The following FARP1 variants were observed in gnomAD, a reference collection of about 807,000 sequenced individuals.
FARP1 encodes the protein FERM, ARHGEF and pleckstrin domain-containing protein 1.
A neutral mutation model predicts 128.8 loss-of-function variants in FARP1; 52 were observed. That is an observed-to-expected ratio of 0.40 (90% CI 0.32 to 0.51). The LOEUF is 0.51. Ranked by LOEUF, FARP1 falls within the 20% of genes least tolerant of loss-of-function variation. The pLI is 0.45. For synonymous variants in FARP1, 580 were observed against 551.8 expected (o/e 1.05, Z -0.72); for missense variants, 1,333 against 1,367.9 (o/e 0.97, Z 0.40).
chr13:98,261,898 G>A (rs1440020418), intron 2 of FARP1, among the ~76,000 whole-genome samples: 4 of 152,084 alleles, frequency 2.6e-5, no homozygotes, highest in Admixed American at 6.5e-5. Flanking sequence ...ACTAGGCTCC[G>A]TCTCCAACTC....
Position 98,154,187 on chromosome 13 carries a change from G to A in FARP1, c.-24+10695G>A, listed in dbSNP as rs193265586. ...TTATCCATTTACTTATTGAAGAACAGTTGACTTGTGTCCAGTTTGGAGCAA... is the reference window on the plus strand; with the variant it reads ...TTATCCATTTACTTATTGAAGAACAATTGACTTGTGTCCAGTTTGGAGCAA... On this transcript the variant is annotated intron_variant, in intron 1 of 26. Coordinates refer to ENST00000319562, the MANE Select transcript of FARP1 (RefSeq NM_005766.4). 2.6e-5 allele frequency among the ~76,000 whole-genome samples: 4 copies of A among 152,260 alleles called. No homozygotes were observed. In the East Asian group the frequency reaches 7.7e-4, roughly 29 times the overall value.
chr13:98,333,436 TAC>T (rs60264788), intron 2 of FARP1, among the ~76,000 whole-genome samples: 6,178 of 139,646 alleles, frequency 0.044, 226 homozygotes, highest in African/African-American at 0.11. Context: ...CCCCCACATG[TAC>T]ACACACACAC....
intron 2 of FARP1, among the ~76,000 whole-genome samples, chr13:98,281,513 G>C (rs1237819944): frequency 6.6e-6 from 1 of 152,118 alleles, no homozygotes; most frequent in African/African-American, 2.4e-5. Flanking sequence ...TTGCCCTCCT[G>C]TCAGGGAATC....
chr13:98,439,220 C>G, intron 21 of FARP1, 24 bp downstream of exon 21: 2 of 1,554,380 alleles, frequency 1.3e-6, no homozygotes, highest in Non-Finnish European at 1.8e-6. Context: ...AGGCTCGTGG[C>G]CAGGGCCTGT....
At chr13:98,253,966 A>G (rs1418120269) in intron 2 of FARP1, among the ~76,000 whole-genome samples, 1 of 152,214 alleles carries the variant, frequency 6.6e-6, no homozygotes, top group Non-Finnish European at 1.5e-5. Context: ...TTGGCTCTTC[A>G]TAACACAAAG....
At chr13:98,340,224 T>C (rs1308129739) in intron 2 of FARP1, among the ~76,000 whole-genome samples, 1 of 152,146 alleles carries the variant, frequency 6.6e-6, no homozygotes, top group Non-Finnish European at 1.5e-5. Flanking sequence ...GCTGGTCAGA[T>C]AATTGGTGGT....
At chr13:98,423,117 T>G (rs1049832419) in intron 16 of FARP1, among the ~76,000 whole-genome samples, 7 of 152,186 alleles carry the variant, frequency 4.6e-5, no homozygotes, top group African/African-American at 1.7e-4. Context: ...TCTTTCCATG[T>G]TCTTCTGCCT....
At chr13:98,171,403 G>C (rs1877644155) in intron 1 of FARP1, among the ~76,000 whole-genome samples, 1 of 152,090 alleles carries the variant, frequency 6.6e-6, no homozygotes, top group African/African-American at 2.4e-5. Context: ...CCTGGGCTTT[G>C]GACTATTTTG....
intron 1 of FARP1, among the ~76,000 whole-genome samples, chr13:98,204,979 T>C (rs1251655307): frequency 6.6e-6 from 1 of 152,186 alleles, no homozygotes; most frequent in Non-Finnish European, 1.5e-5. Flanking sequence ...TTGGCTATTA[T>C]AGTTGAATGA....
At chr13:98,177,281 G>T in intron 1 of FARP1, 1 of 1,470,792 alleles carries the variant, frequency 6.8e-7, no homozygotes, top group Non-Finnish European at 9.1e-7. Context: ...CGTCACCCTT[G>T]CGTCGCCCTT....
chr13:98,348,829 G>A (rs1163324464), intron 3 of FARP1, among the ~76,000 whole-genome samples: 4 of 152,160 alleles, frequency 2.6e-5, no homozygotes, highest in African/African-American at 9.7e-5. Flanking sequence ...GCCGTATTTG[G>A]CCCATGTGCC....
chr13:98,211,411 G>A (rs1350168664), intron 1 of FARP1, among the ~76,000 whole-genome samples: 2 of 152,070 alleles, frequency 1.3e-5, no homozygotes, highest in Admixed American at 6.6e-5. Flanking sequence ...GATCTGAGGT[G>A]GAACCATTTC....
rs188982000 is a variant in FARP1, at chr13:98,255,342, A to G, written c.171+41929A>G. Among the ~76,000 whole-genome samples the G allele has an allele frequency of 2.4e-3, 365 of 152,254 alleles. 5 individuals carry two copies. The highest frequency in any genetic ancestry group is 5.2e-3 in the Admixed American group (79 of 15,284). ...GTGAAACCCCGTCTCTACTAAAAAT[A>G]GAAAAAAAAATAGCCGGGCATGGTG... On this transcript the variant is annotated intron_variant, in intron 2 of 26. Coordinates refer to ENST00000319562, the MANE Select transcript of FARP1 (RefSeq NM_005766.4).
intron 1 of FARP1, among the ~76,000 whole-genome samples, chr13:98,146,056 T>G (rs1332919073): frequency 6.6e-6 from 1 of 152,126 alleles, no homozygotes; most frequent in Non-Finnish European, 1.5e-5. Context: ...ATGAGGAGGA[T>G]GCTTGTGATA....
intron 1 of FARP1, among the ~76,000 whole-genome samples, chr13:98,189,549 T>A (rs141917223): frequency 6.6e-6 from 1 of 152,310 alleles, no homozygotes; most frequent in African/African-American, 2.4e-5. Context: ...CTTGAGTATA[T>A]GATAAATTAG....
chr13:98,202,256 C>T (rs1223878664), intron 1 of FARP1, among the ~76,000 whole-genome samples: 1 of 152,210 alleles, frequency 6.6e-6, no homozygotes, highest in Non-Finnish European at 1.5e-5. Context: ...GCCAGATGCA[C>T]GGAGCTGTTG....
At chr13:98,396,682 T>A (rs1275504238) in intron 13 of FARP1, 2 of 392,900 alleles carry the variant, frequency 5.1e-6, no homozygotes, top group Middle Eastern at 1.3e-3. Flanking sequence ...TTCACATAAG[T>A]GGCTTGCTTT....
chr13:98,169,116 T>G (rs749899889), intron 1 of FARP1, among the ~76,000 whole-genome samples: 30 of 152,200 alleles, frequency 2.0e-4, no homozygotes, highest in Non-Finnish European at 4.0e-4. Context: ...ACCTATCAGT[T>G]TTCTTTCAAC....
chr13:98,261,518 CTTT>C (rs11407005), intron 2 of FARP1, among the ~76,000 whole-genome samples: 3 of 139,908 alleles, frequency 2.1e-5, no homozygotes, highest in Admixed American at 7.2e-5. Flanking sequence ...TGTCTGTGTA[CTTT>C]TTTTTTTTTT....
Sources: allele counts gnomAD v4.1 joint callset (sites outside exome capture counted in the v4.1 genomes callset), GRCh38; gene constraint gnomAD v4.1.1; transcripts MANE v1.5; gene names NCBI Gene and HGNC (gene_info 2026-07-23, HGNC 2026-07-21).